Variants in DLC1 observed in about 807,000 individuals in gnomAD.
DLC1 encodes the protein DLC1 Rho GTPase activating protein.
Under a neutral mutation model 140.3 loss-of-function variants are expected in DLC1, and 54 were observed. The ratio of observed to expected loss-of-function variants is 0.38; its 90% confidence interval spans 0.31 to 0.48. The LOEUF (loss-of-function observed/expected upper bound fraction) is 0.48, where lower values mean the gene tolerates loss of function less well. Among genes scored for constraint, DLC1 ranks in the 20% least tolerant of loss-of-function variants. DLC1 has a pLI of 0.96. For missense variants in DLC1, 2,536 were observed against 1,907.0 expected (o/e 1.33, Z -6.14); for synonymous variants, 986 against 728.1 (o/e 1.35, Z -5.70).
intron 2 of DLC1, among the ~76,000 whole-genome samples, chr8:13,432,055 A>C (rs1193930684): frequency 1.3e-5 from 2 of 152,206 alleles, no homozygotes. Context: ...AAAAGAAGAA[A>C]ATATCTATTT....
intron 2 of DLC1, among the ~76,000 whole-genome samples, chr8:13,450,109 C>T (rs555407772): frequency 1.3e-5 from 2 of 151,740 alleles, no homozygotes; most frequent in African/African-American, 4.8e-5. Flanking sequence ...TAAAATAAAT[C>T]ATTATTTAGT....
intron 10 of DLC1, among the ~76,000 whole-genome samples, chr8:13,098,005 G>C (rs901241798): frequency 5.2e-5 from 6 of 116,110 alleles, no homozygotes; most frequent in African/African-American, 6.6e-5. Flanking sequence ...TTAACACGGT[G>C]AAACCCCATC....
intron 2 of DLC1, among the ~76,000 whole-genome samples, chr8:13,460,312 C>A (rs531425630): frequency 4.4e-4 from 67 of 152,310 alleles, no homozygotes; most frequent in African/African-American, 1.5e-3. Flanking sequence ...TGGCTCCTTG[C>A]AAAATGTCTT....
At chr8:13,596,741 A>G (rs886124783) in intron 1 of DLC1, among the ~76,000 whole-genome samples, 1 of 152,008 alleles carries the variant, frequency 6.6e-6, no homozygotes, top group Non-Finnish European at 1.5e-5. Context: ...TATGGGCCTA[A>G]AAATGATCAC....
In DLC1 at chr8:13,548,124, G is replaced by A. The variant is rs551405290; in HGVS notation, c.-125-47928C>T. On this transcript the variant is annotated intron_variant, in intron 1 of 1. Transcript: ENST00000631382. The stretch of plus-strand genomic sequence containing the variant: ...AGGAATATATAGTGCCTAATGCCGA[G>A]AACATAGTAAGAATTTAGTATGTTT... Among the ~76,000 whole-genome samples the A allele has an allele frequency of 9.2e-5, 14 of 152,086 alleles. No individual in the cohort carries two copies. In the South Asian group the frequency reaches 2.9e-3, roughly 32 times the overall value.
chr8:13,177,528 C>T (rs904538062), intron 5 of DLC1, among the ~76,000 whole-genome samples: 6 of 152,130 alleles, frequency 3.9e-5, no homozygotes, highest in African/African-American at 9.7e-5. Flanking sequence ...CACATTCCTG[C>T]GTAAGAGATG....
intron 5 of DLC1, among the ~76,000 whole-genome samples, chr8:13,184,092 T>G (rs959581354): frequency 2.6e-5 from 4 of 152,214 alleles, no homozygotes; most frequent in African/African-American, 9.6e-5. Context: ...GATTTTCTAG[T>G]TTATTTGCAT....
At chr8:13,448,369 C>CT (rs33970379) in intron 2 of DLC1, among the ~76,000 whole-genome samples, 15,773 of 143,774 alleles carry the variant, frequency 0.11, 2,802 homozygotes, top group African/African-American at 0.37. Context: ...TCTTCTTCTT[C>CT]TTTTTTTTTT....
chr8:13,515,397 T>A (rs1250474279), upstream of DLC1: 1 of 152,220 alleles, frequency 6.6e-6, no homozygotes, highest in African/African-American at 2.4e-5. Flanking sequence ...ATCTCTCTGA[T>A]CACAAGAATC....
chr8:13,100,144 C>G lies in DLC1; in HGVS notation c.2193G>C (p.Lys731Asn), dbSNP rs765217960. The G allele has an allele frequency of 6.2e-6, 10 of 1,614,048 alleles. No individual in the cohort carries two copies. In the African/African-American group the frequency reaches 1.2e-4, roughly 19 times the overall value. The change falls in exon 9 of 18, where the codon AAG becomes AAC. Residue 731 changes from lysine to asparagine, a missense_variant. By Grantham distance (94) the Lys-to-Asn change is moderately conservative (BLOSUM62 0). Transcript: ENST00000276297. Reference protein sequence around the residue: ...GNRINVPMVRKRSVSNSTQTS... With the variant: ...GNRINVPMVRNRSVSNSTQTS... ...TCTGCGTGGAGTTGGAAACGCTCCT[C>G]TTTCGTACCATGGGGACGTTGATGC...
intron 2 of DLC1, among the ~76,000 whole-genome samples, chr8:13,435,916 T>G (rs1321422182): frequency 6.6e-6 from 1 of 152,144 alleles, no homozygotes; most frequent in East Asian, 1.9e-4. Flanking sequence ...CAACTATTAC[T>G]CCCATCAGTC....
chr8:13,604,072 A>C (rs1585323291), intron 1 of DLC1, among the ~76,000 whole-genome samples: 1 of 152,154 alleles, frequency 6.6e-6, no homozygotes, highest in East Asian at 1.9e-4. Flanking sequence ...AAATTATTCC[A>C]AAGTGCAATG....
intron 5 of DLC1, among the ~76,000 whole-genome samples, chr8:13,239,277 C>T (rs1276152540): frequency 6.6e-6 from 1 of 152,008 alleles, no homozygotes; most frequent in African/African-American, 2.4e-5. Context: ...AGTATTAAAT[C>T]CTCAGGGAAG....
intron 4 of DLC1, among the ~76,000 whole-genome samples, chr8:13,356,330 G>A (rs1447449580): frequency 6.6e-6 from 1 of 152,080 alleles, no homozygotes; most frequent in African/African-American, 2.4e-5. Context: ...TTAAAGATGA[G>A]GAAATTTAGT....
intron 5 of DLC1, among the ~76,000 whole-genome samples, chr8:13,141,122 G>C (rs1822950265): frequency 6.6e-6 from 1 of 151,930 alleles, no homozygotes; most frequent in South Asian, 2.1e-4. Flanking sequence ...GGGCATGGTG[G>C]CGCATGCCTG....
At chr8:13,280,307 A>AG (rs1831321797) in intron 5 of DLC1, among the ~76,000 whole-genome samples, 1 of 151,152 alleles carries the variant, frequency 6.6e-6, no homozygotes, top group African/African-American at 2.4e-5. Flanking sequence ...AAAAAAAAAA[A>AG]AAAGAAAAAT....
intron 1 of DLC1, among the ~76,000 whole-genome samples, chr8:13,549,855 C>T (rs976675808): frequency 6.6e-6 from 1 of 152,124 alleles, no homozygotes; most frequent in African/African-American, 2.4e-5. Context: ...CAACATGTTA[C>T]CCTTTATTTC....
chr8:13,117,255 G>C (rs1290659838), intron 5 of DLC1, among the ~76,000 whole-genome samples: 1 of 152,042 alleles, frequency 6.6e-6, no homozygotes, highest in African/African-American at 2.4e-5. Context: ...AGGATCATTT[G>C]AGCCCAGAAG....
intron 8 of DLC1, among the ~76,000 whole-genome samples, chr8:13,102,034 T>C (rs753567632): frequency 6.6e-6 from 1 of 152,120 alleles, no homozygotes. Flanking sequence ...GAGGTTCCAG[T>C]TCATTTGTTT....
Sources: allele counts gnomAD v4.1 joint callset (sites outside exome capture counted in the v4.1 genomes callset), GRCh38; gene constraint gnomAD v4.1.1; transcripts MANE v1.5; gene names NCBI Gene and HGNC (gene_info 2026-07-23, HGNC 2026-07-21).